The following KRT82 variants were observed in gnomAD, a reference collection of about 807,000 sequenced individuals.
KRT82 encodes the protein keratin, type II cuticular Hb2.
KRT82 carries 44 observed loss-of-function variants against 48.0 expected under a neutral mutation model. That is an observed-to-expected ratio of 0.92 (90% CI 0.72 to 1.18). The LOEUF is 1.18. KRT82 is among the 50% of genes most tolerant of loss of function. KRT82 has a pLI of 0.00. For synonymous variants in KRT82, 297 were observed against 278.3 expected, an observed-to-expected ratio of 1.07 and a Z score of -0.67; for missense variants, 701 against 671.4, an observed-to-expected ratio of 1.04 and a Z score of -0.49.
chr12:52,398,248 C>CT lies in KRT82; in HGVS notation c.943-1241dup, dbSNP rs553474968. ...TTAAAGGGGGGAATGACCCAGTTGG[C>CT]TTTTTTTGCCTCTGTTCTCCTTGCT... On this transcript the variant is annotated intron_variant, in intron 5 of 8. Coordinates refer to ENST00000257974, the MANE Select transcript of KRT82 (RefSeq NM_033033.4). Among the ~76,000 whole-genome samples, 185 of 152,092 alleles carry CT rather than the reference C, an allele frequency of 1.2e-3. 1 individual carries two copies. The highest frequency in any genetic ancestry group is 6.8e-3 in the Middle Eastern group (2 of 294).
At position 52,395,796 on chromosome 12, in the gene KRT82, G is replaced by C; in HGVS notation, c.1290-6C>G. 1.3e-6 allele frequency: 2 copies of C among 1,549,404 alleles called. No individual in the cohort carries two copies. Among genetic ancestry groups the C allele is most frequent in the Non-Finnish European group, 1.7e-6 (2 of 1,150,232 alleles). On this transcript the variant is annotated splice_region_variant and splice_polypyrimidine_tract_variant and intron_variant, in intron 7 of 8. Coordinates refer to ENST00000257974, the MANE Select transcript of KRT82 (RefSeq NM_033033.4). ...GCCCGATGCCTTCGCACAGCCTGGG[G>C]ATGAGAGGAAAAAGAAAACAGGTAT...
At position 52,396,995 on chromosome 12, in the gene KRT82, C is replaced by G. The variant is rs1030820101; in HGVS notation, c.956G>C (p.Arg319Thr). ...AWYQCRYEEL[R>T]VTAGNHCDNL... ...GTCACAGTGGTTCCCAGCTGTGACTCTCAGCTCCTCATACTGCCAGGACAG... is the reference window on the plus strand; with the variant it reads ...GTCACAGTGGTTCCCAGCTGTGACTGTCAGCTCCTCATACTGCCAGGACAG... Residue 319 changes from arginine to threonine, a missense_variant, in exon 6 of 9, where the codon AGA becomes ACA. By Grantham distance (71) the Arg-to-Thr change is moderately conservative. Transcript: ENST00000257974. 6.2e-7 allele frequency: 1 copy of G among 1,613,876 alleles called. No homozygotes were observed. Among genetic ancestry groups the G allele is most frequent in the Admixed American group, 1.7e-5 (1 of 60,026 alleles).
Position 52,395,846 on chromosome 12 carries a change from T to G in KRT82, c.1290-56A>C, listed in dbSNP as rs1183640561. The G allele has an allele frequency of 2.7e-6, 4 of 1,470,192 alleles. No homozygotes were observed. The African/African-American group carries it at 5.7e-5, about 21-fold the overall frequency. 91.1% of individuals were successfully genotyped at this position (1,470,192 alleles called of 1,614,324 possible). On this transcript the variant is annotated intron_variant, in intron 7 of 8. Coordinates refer to ENST00000257974, the MANE Select transcript of KRT82 (RefSeq NM_033033.4). ...TCTACATCAAACAGATGCAGGTAAA[T>G]GCAGCATCTCCCCGCTCCCGCCCTC...
At chr12:52,398,758 A>T (rs1257713226) in intron 5 of KRT82, among the ~76,000 whole-genome samples, 1 of 152,106 alleles carries the variant, frequency 6.6e-6, no homozygotes, top group Non-Finnish European at 1.5e-5. Flanking sequence ...AAATGGGCAG[A>T]GCATCACTTT....
chr12:52,395,809 A>G lies in KRT82; in HGVS notation c.1290-19T>C. The G allele has an allele frequency of 3.9e-6, 6 of 1,535,938 alleles. No homozygotes were observed. Among genetic ancestry groups the G allele is most frequent in the Non-Finnish European group, 5.3e-6 (6 of 1,140,204 alleles). The stretch of plus-strand genomic sequence containing the variant: ...GCACAGCCTGGGGATGAGAGGAAAA[A>G]GAAAACAGGTATCTACATCAAACAG... On this transcript the variant is annotated intron_variant, in intron 7 of 8. Transcript: ENST00000257974.
Position 52,400,544 on chromosome 12 carries a change from T to C in KRT82, c.760A>G (p.Lys254Glu). The part of the protein sequence containing the change: ...EALVQEIDFL[K>E]SLYEEEICLL... ...GTGGGTACCTCCTCATACAGGCTTT[T>C]CAGGAAGTCGATCTCCTGCACGAGT... Residue 254 changes from lysine to glutamate, a missense_variant, in exon 4 of 9, where the codon AAA becomes GAA. Transcript: ENST00000257974. 1 of 1,613,986 alleles carries C rather than the reference T, an allele frequency of 6.2e-7. No homozygotes were observed. The highest frequency in any genetic ancestry group is 8.5e-7 in the Non-Finnish European group (1 of 1,179,844).
rs920190793 is a variant in KRT82 at position 52,396,089 on chromosome 12, C to T, written c.1212G>A (p.Gln404=). The T allele has an allele frequency of 8.1e-6, 13 of 1,614,230 alleles. No individual in the cohort carries two copies. Among genetic ancestry groups the T allele is most frequent in the Non-Finnish European group, 1.0e-5 (12 of 1,180,040 alleles). Residue 404 remains glutamine, a synonymous_variant, in exon 7 of 9, where the codon CAG becomes CAA. Coordinates refer to ENST00000257974, the MANE Select transcript of KRT82 (RefSeq NM_033033.4). ...QDMACLLKEY[Q]EVMNSKLGLD... ...GGCCCAGCTTGGAGTTCATCACCTCCTGATATTCCTTGAGCAGGCAGGCCA... is the reference window on the plus strand; with the variant it reads ...GGCCCAGCTTGGAGTTCATCACCTCTTGATATTCCTTGAGCAGGCAGGCCA...
intron 5 of KRT82, among the ~76,000 whole-genome samples, chr12:52,399,748 T>C (rs1939761065): frequency 6.6e-6 from 1 of 152,222 alleles, no homozygotes. Flanking sequence ...GGCACCCTGA[T>C]GACAGGCCTG....
chr12:52,401,263 T>C (rs1185648102), intron 3 of KRT82, 26 bp downstream of exon 3: 7 of 1,606,042 alleles, frequency 4.4e-6, no homozygotes, highest in African/African-American at 2.7e-5. Flanking sequence ...GCTCAGGGGC[T>C]CTGCCTCTCT....
In KRT82 at chr12:52,401,271, T is replaced by C; in HGVS notation, c.681+18A>G. The C allele has an allele frequency of 6.2e-7, 1 of 1,611,596 alleles. No individual in the cohort carries two copies. Among genetic ancestry groups the C allele is most frequent in the East Asian group, 2.2e-5 (1 of 44,860 alleles). On this transcript the variant is annotated intron_variant, in intron 3 of 8. Coordinates refer to ENST00000257974, the MANE Select transcript of KRT82 (RefSeq NM_033033.4). ...CAGGCCAGCTCAGGGGCTCTGCCTC[T>C]CTGAGCTTCCTCCTTACCTTCTTCA...
Position 52,394,801 on chromosome 12 carries a change from G to A in KRT82, c.*174C>T, listed in dbSNP as rs910424956. On this transcript the variant is annotated 3_prime_UTR_variant, in exon 9 of 9. Transcript: ENST00000257974. Reference sequence around the variant, plus strand: ...AGGTGAGTGGAAGGTGACTCATGAGGCAAAGGAGGGGTCCTAGGGGCAGCT... The same window carrying A: ...AGGTGAGTGGAAGGTGACTCATGAGACAAAGGAGGGGTCCTAGGGGCAGCT... 8 of 623,462 alleles carry A rather than the reference G, an allele frequency of 1.3e-5. No homozygotes were observed. In the African/African-American group the frequency reaches 1.5e-4, roughly 11 times the overall value. 38.6% of individuals were successfully genotyped at this position (623,462 alleles called of 1,614,324 possible). A position where few individuals can be genotyped will look rare whatever the true frequency, so the allele number is the denominator to read the frequency against.
intron 2 of KRT82, among the ~76,000 whole-genome samples, chr12:52,402,891 C>T (rs939391206): frequency 2.0e-5 from 3 of 152,184 alleles, no homozygotes; most frequent in African/African-American, 7.2e-5. Flanking sequence ...TTTCAACTTG[C>T]CTGCCTCTAA....
rs773767557 is a variant in KRT82 at position 52,400,491 on chromosome 12, C to T, written c.777+36G>A. ...TGCCCTCTCGATCCCTTGGCTCCAG[C>T]CCTGACTAACCACCCAAGGTCAGGG... On this transcript the variant is annotated intron_variant, in intron 4 of 8. Transcript: ENST00000257974. 41 of 1,523,846 alleles carry T rather than the reference C, an allele frequency of 2.7e-5. No individual in the cohort carries two copies. In the South Asian group the frequency reaches 3.6e-4, roughly 13 times the overall value. The allele number at this position is 1,523,846 out of a possible 1,614,324, so 94.4% of individuals were successfully genotyped here.
chr12:52,395,809 A>C lies in KRT82; in HGVS notation c.1290-19T>G. ...GCACAGCCTGGGGATGAGAGGAAAAAGAAAACAGGTATCTACATCAAACAG... is the reference window on the plus strand; with the variant it reads ...GCACAGCCTGGGGATGAGAGGAAAACGAAAACAGGTATCTACATCAAACAG... On this transcript the variant is annotated intron_variant, in intron 7 of 8. Transcript: ENST00000257974. 2 of 1,535,938 alleles carry C rather than the reference A, an allele frequency of 1.3e-6. No homozygotes were observed. The highest frequency in any genetic ancestry group is 1.8e-6 in the Non-Finnish European group (2 of 1,140,204).
Position 52,396,226 on chromosome 12 carries a change from T to C in KRT82, c.1075A>G (p.Lys359Glu). ...ETENVKAQRC[K>E]LEGAIAEAEQ... is the part of the protein sequence containing the mutation. ...GCCTCAGCTATGGCACCCTCAAGTT[T>C]GCAGCGCTGTGGGAGGGGCGCAGAA... is the stretch of plus-strand genomic sequence containing the variant. The change falls in exon 7 of 9, where the codon AAA (lysine) becomes GAA (glutamate). Residue 359 changes from lysine to glutamate, a missense_variant. By Grantham distance (56) the Lys-to-Glu change is moderately conservative. Transcript: ENST00000257974. The C allele has an allele frequency of 2.5e-6, 4 of 1,612,296 alleles. No homozygotes were observed. Among genetic ancestry groups the C allele is most frequent in the Non-Finnish European group, 3.4e-6 (4 of 1,179,882 alleles).
Position 52,394,925 on chromosome 12 carries a change from A to G in KRT82, c.*50T>C, listed in dbSNP as rs1565780386. The G allele has an allele frequency of 2.7e-6, 4 of 1,505,336 alleles. No homozygotes were observed. Among genetic ancestry groups the G allele is most frequent in the Non-Finnish European group, 3.7e-6 (4 of 1,082,444 alleles). 93.2% of individuals were successfully genotyped at this position (1,505,336 alleles called of 1,614,324 possible). On this transcript the variant is annotated 3_prime_UTR_variant, in exon 9 of 9. Transcript: ENST00000257974. The stretch of plus-strand genomic sequence containing the variant: ...TCTTCAGCCCTGGTGGGAGTGTGAC[A>G]TCCAGGGCCATGGGGCAGGGGCTCT...
chr12:52,405,069 C>A (rs557757689), intron 1 of KRT82, among the ~76,000 whole-genome samples: 4 of 152,198 alleles, frequency 2.6e-5, no homozygotes, highest in African/African-American at 7.2e-5. Context: ...CTCCCTGGGG[C>A]GTGGGATGGA....
chr12:52,399,984 C>G lies in KRT82; in HGVS notation c.942+1G>C, dbSNP rs1939764023. ...CCCTGCCCCCAACCACAGGGCCTCA[C>G]CCGGCACTGGTACCAGGCCTCTGCT... On this transcript the variant is annotated splice_donor_variant, in intron 5 of 8. Coordinates refer to ENST00000257974, the MANE Select transcript of KRT82 (RefSeq NM_033033.4). LOFTEE classifies it high-confidence loss of function. 6.2e-7 allele frequency: 1 copy of G among 1,613,178 alleles called. No homozygotes were observed. The highest frequency in any genetic ancestry group is 8.5e-7 in the Non-Finnish European group (1 of 1,179,218).
At chr12:52,396,582 G>A (rs1939718846) in intron 6 of KRT82, among the ~76,000 whole-genome samples, 1 of 152,180 alleles carries the variant, frequency 6.6e-6, no homozygotes, top group Admixed American at 6.5e-5. Context: ...CAGTCTTTGG[G>A]TCTGAAGGGA....
Sources: gnomAD v4.1 joint callset for allele counts (sites outside exome capture counted in the v4.1 genomes callset) on GRCh38, gnomAD v4.1.1 for gene constraint, MANE v1.5 for transcripts, NCBI Gene and HGNC (gene_info 2026-07-23, HGNC 2026-07-21) for gene names.